ST14: variants seen among roughly 807,000 people sequenced by gnomAD.
The protein encoded by ST14 is suppressor of tumorigenicity 14 protein.
ST14 carries 40 observed loss-of-function variants against 96.5 expected under a neutral mutation model. That is an observed-to-expected ratio of 0.41 (90% CI 0.32 to 0.54). The LOEUF is 0.54. Ranked by LOEUF, ST14 falls within the 20% of genes least tolerant of loss-of-function variation. The pLI is 0.17. For synonymous variants in ST14, 506 were observed against 492.1 expected, an observed-to-expected ratio of 1.03 and a Z score of -0.37; for missense variants, 1,066 against 1,188.9, an observed-to-expected ratio of 0.90 and a Z score of 1.52.
Position 130,208,318 on chromosome 11 carries a change from C to T in ST14, c.1995-92C>T, listed in dbSNP as rs566939969. The T allele has an allele frequency of 5.1e-6, 8 of 1,570,222 alleles. No individual in the cohort carries two copies. In the East Asian group the frequency reaches 1.6e-4, roughly 31 times the overall value. Reference sequence around the variant, plus strand: ...TCTCGTAGCAGCAGCTGTGCCTCATCCATGCGGAATCCTCTGGGAACGCGC... The same window carrying T: ...TCTCGTAGCAGCAGCTGTGCCTCATTCATGCGGAATCCTCTGGGAACGCGC... On this transcript the variant is annotated intron_variant, in intron 16 of 18. Coordinates refer to ENST00000278742, the MANE Select transcript of ST14 (RefSeq NM_021978.4).
intron 1 of ST14, among the ~76,000 whole-genome samples, chr11:130,177,400 T>C (rs1303360297): frequency 6.6e-6 from 1 of 151,750 alleles, no homozygotes; most frequent in East Asian, 2.0e-4. Flanking sequence ...CTGTCTGTAC[T>C]AAAAATACAA....
At position 130,181,591 on chromosome 11, in the gene ST14, G is replaced by T. The variant is rs754269674; in HGVS notation, c.82-6523G>T. The stretch of plus-strand genomic sequence containing the variant: ...CTGTGGCCCAGTAGAGAGGTGTTAT[G>T]CCTACAGTTGTCTAAGTGTCTAAGT... On this transcript the variant is annotated intron_variant, in intron 1 of 18. Coordinates refer to ENST00000278742, the MANE Select transcript of ST14 (RefSeq NM_021978.4). This position sits in a 1 kb window ranked among gnomAD's most constrained non-coding sequence, Gnocchi z 4.1. 2.6e-5 allele frequency among the ~76,000 whole-genome samples: 4 copies of T among 152,212 alleles called. No homozygotes were observed. The highest frequency in any genetic ancestry group is 5.9e-5 in the Non-Finnish European group (4 of 68,034).
chr11:130,196,851 A>G, intron 11 of ST14, 151 bp downstream of exon 11: 1 of 1,146,652 alleles, frequency 8.7e-7, no homozygotes, highest in Non-Finnish European at 1.3e-6. Flanking sequence ...GGAGGAAAAC[A>G]CGCTACCTTT....
rs561523357 is a variant in ST14, at chr11:130,203,380, G to C, written c.1994+3243G>C. Reference sequence around the variant, plus strand: ...ACCTTGCTCGTCCTAGCTCACTGTAGCCTGGGCAGCTGCAGCACCCTCCCC... The same window carrying C: ...ACCTTGCTCGTCCTAGCTCACTGTACCCTGGGCAGCTGCAGCACCCTCCCC... On this transcript the variant is annotated intron_variant, in intron 16 of 18. Coordinates refer to ENST00000278742, the MANE Select transcript of ST14 (RefSeq NM_021978.4). Among the ~76,000 whole-genome samples, 22 of 152,246 alleles carry C rather than the reference G, an allele frequency of 1.4e-4. No individual in the cohort carries two copies. The South Asian group carries it at 4.6e-3, about 32-fold the overall frequency.
Position 130,198,735 on chromosome 11 carries a change from G to A in ST14, c.1684+114G>A. Reference sequence around the variant, plus strand: ...TTTAATGAACACAAACCACCTGTGTGTTAAGTGTGATGAGAAAGGGCTCTG... The same window carrying A: ...TTTAATGAACACAAACCACCTGTGTATTAAGTGTGATGAGAAAGGGCTCTG... On this transcript the variant is annotated intron_variant, in intron 14 of 18. Transcript: ENST00000278742. The A allele has an allele frequency of 2.1e-5, 28 of 1,336,162 alleles. No homozygotes were observed. In the South Asian group the frequency reaches 3.1e-4, roughly 15 times the overall value. 82.8% of individuals were successfully genotyped at this position (1,336,162 alleles called of 1,614,324 possible).
In ST14 at chr11:130,196,779, G is replaced by A. The variant is rs1168867260; in HGVS notation, c.1354+79G>A. ...GTCTACCCTGCATCTCGTTAGCATC[G>A]TGCTTTGCTGATTCTAAAATGCTGG... On this transcript the variant is annotated intron_variant, in intron 11 of 18. Transcript: ENST00000278742. 15 of 1,596,056 alleles carry A rather than the reference G, an allele frequency of 9.4e-6. No individual in the cohort carries two copies. The East Asian group carries it at 1.3e-4, about 14-fold the overall frequency.
At chr11:130,178,420 G>A (rs968137083) in intron 1 of ST14, among the ~76,000 whole-genome samples, 1 of 90,906 alleles carries the variant, frequency 1.1e-5, no homozygotes, top group Non-Finnish European at 1.8e-5. Flanking sequence ...CTAAGATGGC[G>A]TTACTTATGT....
chr11:130,189,844 C>T lies in ST14; in HGVS notation c.546C>T (p.Pro182=), dbSNP rs769666753. The T allele has an allele frequency of 6.2e-7, 1 of 1,613,898 alleles. No homozygotes were observed. The highest frequency in any genetic ancestry group is 1.7e-5 in the Admixed American group (1 of 60,032). ...VMAEERVVML[P]PRARSLKSFV... is the part of the protein sequence containing the mutation. Reference sequence around the variant, plus strand: ...CCGAGGAGCGCGTAGTCATGCTGCCCCCGCGGGCGCGCTCCCTGAAGTCCT... The same window carrying T: ...CCGAGGAGCGCGTAGTCATGCTGCCTCCGCGGGCGCGCTCCCTGAAGTCCT... Residue 182 remains proline, a synonymous_variant, in exon 5 of 19, where the codon CCC becomes CCT. Transcript: ENST00000278742.
intron 1 of ST14, among the ~76,000 whole-genome samples, chr11:130,161,481 C>T (rs770889890): frequency 3.3e-5 from 5 of 152,192 alleles, no homozygotes; most frequent in Non-Finnish European, 7.3e-5. Flanking sequence ...GACTCTCCTG[C>T]CCACACGGGG....
intron 1 of ST14, among the ~76,000 whole-genome samples, chr11:130,176,479 C>G (rs931859607): frequency 5.9e-5 from 9 of 151,856 alleles, no homozygotes; most frequent in Non-Finnish European, 1.0e-4. Flanking sequence ...AGCTCCACTT[C>G]CCGGGTTCAC....
At chr11:130,163,829 G>A (rs1036389461) in intron 1 of ST14, among the ~76,000 whole-genome samples, 1 of 152,204 alleles carries the variant, frequency 6.6e-6, no homozygotes, top group African/African-American at 2.4e-5. Flanking sequence ...TTTGATGGCT[G>A]CCTTCGCCTG....
At chr11:130,206,240 G>A (rs2136220854) in intron 16 of ST14, among the ~76,000 whole-genome samples, 1 of 152,326 alleles carries the variant, frequency 6.6e-6, no homozygotes, top group Admixed American at 6.5e-5. Context: ...CGCGGGCGGT[G>A]CTGTACCCTA....
chr11:130,208,922 T>C (rs781443134), intron 17 of ST14, among the ~76,000 whole-genome samples: 1 of 152,046 alleles, frequency 6.6e-6, no homozygotes, highest in Non-Finnish European at 1.5e-5. Context: ...CTTGAGCGAG[T>C]TGCTTAAGCT....
chr11:130,191,614 T>C (rs1010000653), intron 7 of ST14, among the ~76,000 whole-genome samples: 16 of 141,406 alleles, frequency 1.1e-4, no homozygotes, highest in East Asian at 1.0e-3. Context: ...CACTTGAACC[T>C]GGGAGGCAGA....
chr11:130,167,438 T>C (rs535346506), intron 1 of ST14, among the ~76,000 whole-genome samples: 2 of 152,372 alleles, frequency 1.3e-5, no homozygotes, highest in East Asian at 1.9e-4. Context: ...TTTGTTTATA[T>C]TCTCCCACAA....
intron 1 of ST14, among the ~76,000 whole-genome samples, chr11:130,167,043 T>C (rs1167755338): frequency 6.6e-6 from 1 of 152,076 alleles, no homozygotes; most frequent in African/African-American, 2.4e-5. Flanking sequence ...AAACCCCATC[T>C]CCACTAAAAA....
At chr11:130,209,031 G>A (rs1009649997) in intron 17 of ST14, among the ~76,000 whole-genome samples, 2 of 152,216 alleles carry the variant, frequency 1.3e-5, no homozygotes, top group African/African-American at 4.8e-5. Context: ...GAAGCAGGCC[G>A]TTAGTTGGCA....
intron 11 of ST14, 144 bp downstream of exon 11, chr11:130,196,844 G>A: frequency 1.6e-6 from 2 of 1,231,556 alleles, no homozygotes; most frequent in Non-Finnish European, 2.3e-6. Flanking sequence ...AGCTTTGGGA[G>A]GAAAACACGC....
intron 11 of ST14, 42 bp downstream of exon 11, chr11:130,196,742 AC>A (rs752002150): frequency 6.2e-7 from 1 of 1,613,926 alleles, no homozygotes; most frequent in South Asian, 1.1e-5. Context: ...GGGGGCCTGC[AC>A]CGCATGTTCT....
Sources: gnomAD v4.1 joint callset for allele counts (sites outside exome capture counted in the v4.1 genomes callset) on GRCh38, gnomAD v4.1.1 for gene constraint, Gnocchi (gnomAD v3.1) non-coding constraint, MANE v1.5 for transcripts, NCBI Gene and HGNC (gene_info 2026-07-23, HGNC 2026-07-21) for gene names.